The following TUBGCP3 variants were observed in gnomAD, a reference collection of about 807,000 sequenced individuals.
TUBGCP3 encodes the protein gamma-tubulin complex component 3.
Under a neutral mutation model 123.1 loss-of-function variants are expected in TUBGCP3, and 50 were observed. The observed-to-expected ratio is 0.41, with a 90% CI of 0.32 to 0.51. The LOEUF is 0.51. Among genes scored for constraint, TUBGCP3 ranks in the 20% least tolerant of loss-of-function variants. The probability of loss-of-function intolerance (pLI) is 0.36; values close to 1 mark genes in which losing one functional copy is unlikely to be tolerated. For missense variants in TUBGCP3, 882 were observed against 1,127.0 expected, an observed-to-expected ratio of 0.78 and a Z score of 3.11; for synonymous variants, 405 against 413.9, an observed-to-expected ratio of 0.98 and a Z score of 0.26.
chr13:112,498,824 G>C, intron 20 of TUBGCP3: 1 of 1,570,818 alleles, frequency 6.4e-7, no homozygotes, highest in Non-Finnish European at 8.6e-7. Context: ...GAATGCTGCT[G>C]TTTTTATTTA....
chr13:112,550,912 C>T (rs1386927420), intron 8 of TUBGCP3, among the ~76,000 whole-genome samples: 1 of 152,198 alleles, frequency 6.6e-6, no homozygotes, highest in Admixed American at 6.5e-5. Context: ...TCCTGGCTAA[C>T]ACAGTGAAAC....
chr13:112,505,833 G>T (rs1881263255), intron 17 of TUBGCP3, among the ~76,000 whole-genome samples: 2 of 152,166 alleles, frequency 1.3e-5, no homozygotes, highest in Admixed American at 1.3e-4. Context: ...TCCGACCCTG[G>T]CACCCGGTCT....
In TUBGCP3 at chr13:112,522,397, C is replaced by G; in HGVS notation, c.1668G>C (p.Leu556=). 1 of 1,614,078 alleles carries G rather than the reference C, an allele frequency of 6.2e-7. No individual in the cohort carries two copies. Among genetic ancestry groups the G allele is most frequent in the Non-Finnish European group, 8.5e-7 (1 of 1,179,934 alleles). ...ACCGCCTCATTGCCTGCATGTGGTC[C>G]AGCAAGCTGTACTTTTTATTGAGAA... ...LDVLNKKYSL[L]DHMQAMRRYL... is the part of the protein sequence containing the mutation. The change falls in exon 14 of 22, where the codon CTG becomes CTC. Residue 556 remains leucine, a synonymous_variant. Transcript: ENST00000261965.
At chr13:112,527,662 G>A (rs550508928) in intron 11 of TUBGCP3, among the ~76,000 whole-genome samples, 178 bp from the exon 12 acceptor site, 18 of 152,310 alleles carry the variant, frequency 1.2e-4, no homozygotes, top group African/African-American at 4.1e-4. Context: ...ATTGAACTAT[G>A]TATTTCCTAA....
In TUBGCP3 at chr13:112,526,907, T is replaced by C. The variant is rs150757721; in HGVS notation, c.1555+35A>G. The C allele has an allele frequency of 2.8e-4, 401 of 1,449,886 alleles. 4 individuals carry two copies. In the African/African-American group the frequency reaches 4.8e-3, roughly 17 times the overall value. The allele number at this position is 1,449,886 out of a possible 1,614,324, so 89.8% of individuals were successfully genotyped here. A position where few individuals can be genotyped will look rare whatever the true frequency, so the allele number is the denominator to read the frequency against. ...TCACATCATCATCAACATCACACCA[T>C]TGCCATCATCACCACCCCACCAGCA... is the stretch of plus-strand genomic sequence containing the variant. On this transcript the variant is annotated intron_variant, in intron 13 of 21. Coordinates refer to ENST00000261965, the MANE Select transcript of TUBGCP3 (RefSeq NM_006322.6).
chr13:112,579,962 A>G (rs1466923164), intron 1 of TUBGCP3, among the ~76,000 whole-genome samples: 4 of 152,246 alleles, frequency 2.6e-5, no homozygotes, highest in Non-Finnish European at 5.9e-5. Context: ...AAATGGATAA[A>G]CTGGTTCATC....
intron 20 of TUBGCP3, among the ~76,000 whole-genome samples, chr13:112,494,489 G>A (rs1382950901): frequency 6.6e-6 from 1 of 152,150 alleles, no homozygotes; most frequent in Non-Finnish European, 1.5e-5. Flanking sequence ...CAGGCCCCAC[G>A]GCTCTCAGCA....
At chr13:112,550,803 C>G (rs1477800971) in intron 8 of TUBGCP3, among the ~76,000 whole-genome samples, 2 of 152,202 alleles carry the variant, frequency 1.3e-5, no homozygotes, top group African/African-American at 4.8e-5. Flanking sequence ...TTTGAAAAAC[C>G]TGCTGAAATA....
In TUBGCP3 at chr13:112,588,045, C is replaced by T; in HGVS notation, c.-65G>A. 6.1e-6 allele frequency: 8 copies of T among 1,305,938 alleles called. No individual in the cohort carries two copies. Among genetic ancestry groups the T allele is most frequent in the Middle Eastern group, 2.7e-4 (1 of 3,730 alleles). 80.9% of individuals were successfully genotyped at this position (1,305,938 alleles called of 1,614,324 possible). ...CCACTGCCGCCGCACGCGCAGGGAC[C>T]GCGGCCCGCGCCCTTCCTGCGCCCC... On this transcript the variant is annotated 5_prime_UTR_variant, in exon 1 of 22. Transcript: ENST00000261965.
At chr13:112,503,985 A>C in intron 19 of TUBGCP3, 47 bp downstream of exon 19, 1 of 1,560,690 alleles carries the variant, frequency 6.4e-7, no homozygotes. Context: ...CCAAGAAAAG[A>C]AGATGATTCT....
chr13:112,587,637 G>A (rs1190942406), intron 1 of TUBGCP3, among the ~76,000 whole-genome samples: 3 of 149,374 alleles, frequency 2.0e-5, no homozygotes, highest in Non-Finnish European at 4.5e-5. Flanking sequence ...CCCGCCTCCC[G>A]CCCCGGCGTT....
In TUBGCP3 at chr13:112,515,095, C is replaced by CA. The variant is rs1441454187; in HGVS notation, c.2086+1344dup. 9.9e-5 allele frequency among the ~76,000 whole-genome samples: 15 copies of CA among 152,072 alleles called. No homozygotes were observed. In the South Asian group the frequency reaches 1.3e-3, roughly 13 times the overall value. ...ATTTTCCCATACATAGAAAACTGATCAAAAAATTTATTAGTTATCTCCAAC... is the reference window on the plus strand; with the variant it reads ...ATTTTCCCATACATAGAAAACTGATCAAAAAAATTTATTAGTTATCTCCAAC... On this transcript the variant is annotated intron_variant, in intron 17 of 21. Coordinates refer to ENST00000261965, the MANE Select transcript of TUBGCP3 (RefSeq NM_006322.6).
At chr13:112,527,531 A>G in intron 11 of TUBGCP3, 47 bp from the exon 12 acceptor site, 1 of 1,343,660 alleles carries the variant, frequency 7.4e-7, no homozygotes, top group South Asian at 1.2e-5. Context: ...TATTTATGGC[A>G]AAATATTAAC....
At chr13:112,557,176 TATACAG>T (rs1319817899) in intron 5 of TUBGCP3, among the ~76,000 whole-genome samples, 1 of 152,222 alleles carries the variant, frequency 6.6e-6, no homozygotes, top group Non-Finnish European at 1.5e-5. Context: ...CAAAGTTCTC[TATACAG>T]ATTTTTAATA....
In TUBGCP3 at chr13:112,506,199, GAC is replaced by G. The variant is rs1313232155; in HGVS notation, c.2087-1487_2087-1486del. Among the ~76,000 whole-genome samples, 3 of 152,188 alleles carry G rather than the reference GAC, an allele frequency of 2.0e-5. No individual in the cohort carries two copies. In the East Asian group the frequency reaches 5.8e-4, roughly 29 times the overall value. On this transcript the variant is annotated intron_variant, in intron 17 of 21. Transcript: ENST00000261965. ...AAATTCATTTGTTAAAGAGAGGGATGACACACTGTCCCTCAGGCAATAAACAG... is the reference window on the plus strand; with the variant it reads ...AAATTCATTTGTTAAAGAGAGGGATGACACTGTCCCTCAGGCAATAAACAG...
intron 21 of TUBGCP3, 88 bp from the exon 22 acceptor site, chr13:112,486,239 G>A: frequency 6.7e-7 from 1 of 1,495,250 alleles, no homozygotes; most frequent in Non-Finnish European, 9.0e-7. Flanking sequence ...CTTTGGGTTG[G>A]GTCTGTTTTT....
At chr13:112,565,018 A>G in intron 3 of TUBGCP3, 93 bp downstream of exon 3, 1 of 1,125,668 alleles carries the variant, frequency 8.9e-7, no homozygotes, top group Non-Finnish European at 1.2e-6. Context: ...AGAAAAGTTT[A>G]ATATGATACC....
chr13:112,584,277 T>C (rs1266905019), intron 1 of TUBGCP3: 2 of 152,232 alleles, frequency 1.3e-5, no homozygotes, highest in Non-Finnish European at 2.9e-5. Flanking sequence ...GTAGGTTATA[T>C]CTATCCACAG....
chr13:112,504,225 C>G, intron 18 of TUBGCP3, 62 bp from the exon 19 acceptor site: 1 of 1,606,660 alleles, frequency 6.2e-7, no homozygotes, highest in East Asian at 2.2e-5. Flanking sequence ...TAGCATCACT[C>G]ATAAAATATA....
Sources: allele counts gnomAD v4.1 joint callset (sites outside exome capture counted in the v4.1 genomes callset), GRCh38; gene constraint gnomAD v4.1.1; transcripts MANE v1.5; gene names NCBI Gene and HGNC (gene_info 2026-07-23, HGNC 2026-07-21).